SAMD5: variants seen among roughly 807,000 people sequenced by gnomAD.
The protein encoded by SAMD5 is sterile alpha motif domain-containing protein 5.
A neutral mutation model predicts 11.3 loss-of-function variants in SAMD5; 13 were observed. The ratio of observed to expected loss-of-function variants is 1.15; its 90% CI spans 0.75 to 1.83. The LOEUF (loss-of-function observed/expected upper bound fraction) is 1.83. Among genes scored for constraint, SAMD5 ranks in the 40% most tolerant of loss-of-function variants. The probability of loss-of-function intolerance (pLI) is 0.00; values close to 1 mark genes in which losing one functional copy is unlikely to be tolerated. For synonymous variants in SAMD5, 129 were observed against 111.3 expected (o/e 1.16, Z -1.00); for missense variants, 255 against 239.1 (o/e 1.07, Z -0.44).
chr6:147,905,033 C>T, the SAMD5 span, among the ~76,000 whole-genome samples: 9 of 152,140 alleles, frequency 5.9e-5, no homozygotes, highest in Non-Finnish European at 1.0e-4. Flanking sequence ...GGATTACAGG[C>T]ATGCGCCACC....
At chr6:147,524,407 G>T (rs969807706) in intron 1 of SAMD5, among the ~76,000 whole-genome samples, 2 of 148,364 alleles carry the variant, frequency 1.3e-5, no homozygotes, top group Non-Finnish European at 3.0e-5. Flanking sequence ...TTTTGTTTTT[G>T]TTTTTGTTTT....
chr6:147,725,758 G>A (rs1044256933), intron 1 of SAMD5, among the ~76,000 whole-genome samples: 27 of 152,092 alleles, frequency 1.8e-4, no homozygotes, highest in African/African-American at 6.0e-4. Flanking sequence ...TGCTTCCTGG[G>A]AATATTATGT....
At chr6:147,904,584 C>T in the SAMD5 span, among the ~76,000 whole-genome samples, 528 of 152,310 alleles carry the variant, frequency 3.5e-3, 2 homozygotes, top group African/African-American at 0.012. Context: ...CTCATGATTT[C>T]TCTTTCCCAA....
chr6:147,952,207 A>G, the SAMD5 span, among the ~76,000 whole-genome samples: 1 of 152,198 alleles, frequency 6.6e-6, no homozygotes, highest in Admixed American at 6.5e-5. Context: ...TTTATGTGTA[A>G]GTATAGAATG....
chr6:147,910,693 G>C, the SAMD5 span, among the ~76,000 whole-genome samples: 1 of 152,164 alleles, frequency 6.6e-6, no homozygotes, highest in Non-Finnish European at 1.5e-5. Context: ...GTGGAGCTCT[G>C]TCATGCCAGA....
the SAMD5 span, among the ~76,000 whole-genome samples, chr6:147,922,410 A>G: frequency 6.6e-6 from 1 of 152,206 alleles, no homozygotes; most frequent in Admixed American, 6.5e-5. Context: ...GTGGGGAAAA[A>G]TACAGTTCCG....
the SAMD5 span, among the ~76,000 whole-genome samples, chr6:147,874,914 G>A: frequency 1.3e-5 from 2 of 152,082 alleles, no homozygotes; most frequent in Non-Finnish European, 1.5e-5. Flanking sequence ...GTTAAGCTGC[G>A]TTAAGAGTTT....
chr6:147,816,301 A>AAAATATATAT, the SAMD5 span, among the ~76,000 whole-genome samples: 3 of 66,352 alleles, frequency 4.5e-5, no homozygotes, highest in African/African-American at 3.1e-4. Flanking sequence ...AAAAAAAAAA[A>AAAATATATAT]ATATATATAT....
At chr6:147,541,735 C>T (rs576633120) in intron 1 of SAMD5, among the ~76,000 whole-genome samples, 53 of 152,260 alleles carry the variant, frequency 3.5e-4, no homozygotes, top group Middle Eastern at 6.8e-3. Context: ...AAATCAGATC[C>T]CTAACCAAGA....
chr6:147,695,246 T>C (rs1191374051), intron 1 of SAMD5, among the ~76,000 whole-genome samples: 1 of 152,230 alleles, frequency 6.6e-6, no homozygotes, highest in African/African-American at 2.4e-5. Flanking sequence ...ATTGTTTAAT[T>C]AAATATTGTC....
the SAMD5 span, among the ~76,000 whole-genome samples, chr6:147,798,956 G>C: frequency 8.5e-5 from 13 of 152,142 alleles, no homozygotes; most frequent in Non-Finnish European, 1.8e-4. Flanking sequence ...TTGAGCCTAT[G>C]TGTGTCTCTA....
downstream of SAMD5, among the ~76,000 whole-genome samples, chr6:147,737,713 G>C (rs1292251484): frequency 8.6e-6 from 1 of 116,338 alleles, no homozygotes; most frequent in East Asian, 2.5e-4. Context: ...CCCTGGGCTG[G>C]AATAGAGTGG....
chr6:147,568,912 G>C lies in SAMD5; in HGVS notation c.*4456G>C. 1.0e-6 allele frequency: 1 copy of C among 966,238 alleles called. No homozygotes were observed. Among genetic ancestry groups the C allele is most frequent in the Non-Finnish European group, 1.2e-6 (1 of 813,944 alleles). The allele number at this position is 966,238 out of a possible 1,614,324, so 59.9% of individuals were successfully genotyped here. A position where few individuals can be genotyped will look rare whatever the true frequency, so the allele number is the denominator to read the frequency against. On this transcript the variant is annotated 3_prime_UTR_variant, in exon 2 of 2. Transcript: ENST00000367474. Reference sequence around the variant, plus strand: ...GATATTTCCATAAAAGGCTTAAAGGGAAAAAAAAATGGTAGGTAGTTCAGA... The same window carrying C: ...GATATTTCCATAAAAGGCTTAAAGGCAAAAAAAAATGGTAGGTAGTTCAGA...
At chr6:147,745,547 A>G in the SAMD5 span, among the ~76,000 whole-genome samples, 4 of 152,222 alleles carry the variant, frequency 2.6e-5, no homozygotes, top group Non-Finnish European at 5.9e-5. Flanking sequence ...CAGAGGGGAT[A>G]GATGTATGCA....
At chr6:147,778,452 C>G in the SAMD5 span, among the ~76,000 whole-genome samples, 2 of 152,184 alleles carry the variant, frequency 1.3e-5, no homozygotes. Context: ...TTCCAAGCCC[C>G]TCATCCCTTG....
intron 1 of SAMD5, among the ~76,000 whole-genome samples, chr6:147,663,664 C>T (rs920579951): frequency 6.6e-5 from 10 of 151,216 alleles, no homozygotes; most frequent in African/African-American, 1.7e-4. Context: ...TGGTGGTGCA[C>T]GCCTGTAATC....
the SAMD5 span, among the ~76,000 whole-genome samples, chr6:147,823,097 A>T: frequency 6.6e-6 from 1 of 152,180 alleles, no homozygotes; most frequent in Non-Finnish European, 1.5e-5. Context: ...GATTATAGGC[A>T]TGAGCCACTA....
At chr6:147,812,599 G>A in the SAMD5 span, among the ~76,000 whole-genome samples, 9 of 152,072 alleles carry the variant, frequency 5.9e-5, no homozygotes, top group African/African-American at 2.2e-4. Context: ...TAAAACCCCT[G>A]TCCAAGCCAA....
the SAMD5 span, chr6:147,953,914 T>C: frequency 1.3e-5 from 2 of 152,192 alleles, no homozygotes; most frequent in Non-Finnish European, 2.9e-5. Context: ...CATCATTTGC[T>C]AGAAAAAATT....
Sources: gnomAD v4.1 joint callset for allele counts (sites outside exome capture counted in the v4.1 genomes callset) on GRCh38, gnomAD v4.1.1 for gene constraint, MANE v1.5 for transcripts, NCBI Gene and HGNC (gene_info 2026-07-23, HGNC 2026-07-21) for gene names.